The following SNX4 variants were observed in gnomAD, a reference collection of about 807,000 sequenced individuals.
The protein encoded by SNX4 is sorting nexin-4.
A neutral mutation model predicts 70.8 loss-of-function variants in SNX4; 49 were observed. That is an observed-to-expected ratio of 0.69 (90% confidence interval 0.55 to 0.88). SNX4 has a LOEUF of 0.88. Among genes scored for constraint, SNX4 ranks in the 40% least tolerant of loss-of-function variants. The probability of loss-of-function intolerance (pLI) is 0.00; values close to 1 mark genes in which losing one functional copy is unlikely to be tolerated. For missense variants in SNX4, 528 were observed against 544.8 expected (o/e 0.97, Z 0.31); for synonymous variants, 206 against 183.8 (o/e 1.12, Z -0.98).
chr3:125,514,024 AGAC>A (rs1935222747), intron 1 of SNX4, among the ~76,000 whole-genome samples: 1 of 147,426 alleles, frequency 6.8e-6, no homozygotes, highest in Admixed American at 7.2e-5. Flanking sequence ...GGAAAAAAGG[AGAC>A]TTCTGGATTT....
At chr3:125,453,021 G>C (rs1233877427) in intron 12 of SNX4, among the ~76,000 whole-genome samples, 1 of 152,138 alleles carries the variant, frequency 6.6e-6, no homozygotes, top group Non-Finnish European at 1.5e-5. Flanking sequence ...GTCTGCCTTG[G>C]TCTATTCACT....
At chr3:125,518,576 C>T (rs1935327968) in intron 1 of SNX4, among the ~76,000 whole-genome samples, 1 of 152,204 alleles carries the variant, frequency 6.6e-6, no homozygotes, top group Non-Finnish European at 1.5e-5. Context: ...GGTCTCTAAA[C>T]TTAAAAGTCT....
At position 125,495,277 on chromosome 3, in the gene SNX4, T is replaced by TACATACAC. The variant is rs1553727770; in HGVS notation, c.597+2063_597+2064insGTGTATGT. ...ATATATATATATATATATATATATA[T>TACATACAC]ACACATACACACACACACACGTATG... On this transcript the variant is annotated intron_variant, in intron 5 of 13. Transcript: ENST00000251775. 1.0e-4 allele frequency among the ~76,000 whole-genome samples: 10 copies of TACATACAC among 99,586 alleles called. No individual in the cohort carries two copies. In the East Asian group the frequency reaches 1.1e-3, roughly 11 times the overall value. 65.3% of individuals were successfully genotyped at this position (99,586 alleles called of 152,430 possible).
chr3:125,470,712 A>G (rs1445171010), intron 8 of SNX4, among the ~76,000 whole-genome samples: 1 of 152,232 alleles, frequency 6.6e-6, no homozygotes, highest in Non-Finnish European at 1.5e-5. Flanking sequence ...TACAACAAAA[A>G]GAAAGGTTTA....
intron 2 of SNX4, among the ~76,000 whole-genome samples, chr3:125,502,561 T>G (rs964176531): frequency 1.3e-5 from 2 of 150,838 alleles, no homozygotes; most frequent in African/African-American, 4.9e-5. Context: ...TAGGTTAAAA[T>G]TTTTTTTCTT....
At chr3:125,469,344 G>A (rs185678559) in intron 9 of SNX4, 110 bp downstream of exon 9, 19 of 701,670 alleles carry the variant, frequency 2.7e-5, no homozygotes, top group East Asian at 2.4e-4. Flanking sequence ...TACACATAGA[G>A]CGCAATATAA....
Position 125,465,345 on chromosome 3 carries a change from A to C in SNX4, c.854+4109T>G, listed in dbSNP as rs1400111200. On this transcript the variant is annotated intron_variant, in intron 9 of 13. Transcript: ENST00000251775. Reference sequence around the variant, plus strand: ...ACTGTAGCCTCCGCCTCCTGGGTTCAAGTGATTCTCCTGCCTCAGCCTCCT... The same window carrying C: ...ACTGTAGCCTCCGCCTCCTGGGTTCCAGTGATTCTCCTGCCTCAGCCTCCT... 2.6e-5 allele frequency among the ~76,000 whole-genome samples: 4 copies of C among 151,628 alleles called. No individual in the cohort carries two copies. The East Asian group carries it at 7.8e-4, about 30-fold the overall frequency.
At chr3:125,469,689 A>G (rs1158620851) in intron 8 of SNX4, among the ~76,000 whole-genome samples, 170 bp from the exon 9 acceptor site, 2 of 152,240 alleles carry the variant, frequency 1.3e-5, no homozygotes, top group Non-Finnish European at 2.9e-5. Flanking sequence ...TAAGTTTAAC[A>G]ACTAAATGTG....
intron 1 of SNX4, among the ~76,000 whole-genome samples, chr3:125,509,751 T>TAA (rs1935128841): frequency 2.8e-5 from 1 of 35,768 alleles, no homozygotes; most frequent in Non-Finnish European, 4.5e-5. Flanking sequence ...AGAATCTGTC[T>TAA]CAAAAAAAAA....
At chr3:125,473,819 C>A (rs1002166899) in intron 8 of SNX4, among the ~76,000 whole-genome samples, 1 of 152,164 alleles carries the variant, frequency 6.6e-6, no homozygotes, top group Non-Finnish European at 1.5e-5. Flanking sequence ...TTGCCTGATC[C>A]CTGAACGCAG....
At chr3:125,511,075 C>T (rs77608352) in intron 1 of SNX4, among the ~76,000 whole-genome samples, 7,344 of 152,222 alleles carry the variant, frequency 0.048, 418 homozygotes, top group African/African-American at 0.13. Context: ...TGCATACCAC[C>T]GGATAATTCT....
chr3:125,517,646 C>A (rs1364355605), intron 1 of SNX4, among the ~76,000 whole-genome samples: 2 of 152,172 alleles, frequency 1.3e-5, no homozygotes, highest in Non-Finnish European at 2.9e-5. Context: ...ATGGCTTGTG[C>A]CTCTTTATGA....
intron 1 of SNX4, among the ~76,000 whole-genome samples, chr3:125,518,740 C>A (rs1245969430): frequency 6.6e-6 from 1 of 151,940 alleles, no homozygotes; most frequent in African/African-American, 2.4e-5. Flanking sequence ...TGATGGCTCA[C>A]GCCTGTAATC....
rs1448076774 is a variant in SNX4, at chr3:125,507,070, C to T, written c.142-2326G>A. Among the ~76,000 whole-genome samples, 6 of 149,616 alleles carry T rather than the reference C, an allele frequency of 4.0e-5. No individual in the cohort carries two copies. The South Asian group carries it at 6.3e-4, about 16-fold the overall frequency. On this transcript the variant is annotated intron_variant, in intron 1 of 13. Coordinates refer to ENST00000251775, the MANE Select transcript of SNX4 (RefSeq NM_003794.4). ...TACAAAAACTAGCTGGGTGTGGTGG[C>T]GGGCGCTTGTAATCCCAATCTCAGC...
chr3:125,491,085 G>A (rs1161610117), intron 5 of SNX4, among the ~76,000 whole-genome samples: 2 of 152,078 alleles, frequency 1.3e-5, no homozygotes, highest in Admixed American at 1.3e-4. Context: ...GACCAAAAGA[G>A]ATTTAAAGGG....
chr3:125,488,995 G>A (rs1272360379), intron 6 of SNX4, among the ~76,000 whole-genome samples: 1 of 152,180 alleles, frequency 6.6e-6, no homozygotes, highest in African/African-American at 2.4e-5. Context: ...TCAAGTATTT[G>A]TCATATACCT....
intron 6 of SNX4, among the ~76,000 whole-genome samples, chr3:125,481,461 T>G (rs1184339274): frequency 6.6e-6 from 1 of 152,056 alleles, no homozygotes; most frequent in Non-Finnish European, 1.5e-5. Flanking sequence ...TTTTTTTTTT[T>G]TTTTGAGACA....
chr3:125,485,421 C>G (rs1358310051), intron 6 of SNX4, among the ~76,000 whole-genome samples: 1 of 152,118 alleles, frequency 6.6e-6, no homozygotes, highest in Non-Finnish European at 1.5e-5. Flanking sequence ...CCTCAGCCCC[C>G]CAAGTAGCTG....
At position 125,498,454 on chromosome 3, in the gene SNX4, G is replaced by A. The variant is rs757340697; in HGVS notation, c.264-260C>T. Among the ~76,000 whole-genome samples the A allele has an allele frequency of 2.6e-5, 4 of 152,096 alleles. 1 individual carries two copies. The South Asian group carries it at 6.2e-4, about 24-fold the overall frequency. ...CCCACCTCAGCCTCCTGAGTAGCTG[G>A]GACCACAGGCACATGTCACCACATT... On this transcript the variant is annotated intron_variant, in intron 2 of 13. Coordinates refer to ENST00000251775, the MANE Select transcript of SNX4 (RefSeq NM_003794.4).
Sources: allele counts gnomAD v4.1 joint callset (sites outside exome capture counted in the v4.1 genomes callset), GRCh38; gene constraint gnomAD v4.1.1; transcripts MANE v1.5; gene names NCBI Gene and HGNC (gene_info 2026-07-23, HGNC 2026-07-21).